Variants in RNF217 observed in about 807,000 individuals in gnomAD.
The protein encoded by RNF217 is ring finger protein 217, also known as E3 ubiquitin-protein ligase RNF217.
In RNF217, 31 loss-of-function variants were observed where a neutral mutation model predicts 57.8. That is an observed-to-expected ratio of 0.54 (90% CI 0.40 to 0.72). The LOEUF (loss-of-function observed/expected upper bound fraction) is 0.72. RNF217 is among the 30% of genes least tolerant of loss of function. The pLI is 0.00. For synonymous variants in RNF217, 313 were observed against 294.0 expected, an observed-to-expected ratio of 1.06 and a Z score of -0.66; for missense variants, 696 against 708.3, an observed-to-expected ratio of 0.98 and a Z score of 0.20.
rs184729329 is a variant in RNF217, at chr6:124,986,557, A to C, written c.882+23131A>C. On this transcript the variant is annotated intron_variant, in intron 1 of 5. Transcript: ENST00000521654. Reference sequence around the variant, plus strand: ...AATCATGCTTAATCATTTCAAATAGACTTTTTAAAAGTTGAATTAAACCAA... The same window carrying C: ...AATCATGCTTAATCATTTCAAATAGCCTTTTTAAAAGTTGAATTAAACCAA... Among the ~76,000 whole-genome samples the C allele has an allele frequency of 4.4e-4, 67 of 152,310 alleles. 1 individual carries two copies. In the East Asian group the frequency reaches 0.011, roughly 25 times the overall value.
intron 1 of RNF217, among the ~76,000 whole-genome samples, chr6:125,032,631 A>C (rs2114475407): frequency 6.6e-6 from 1 of 152,236 alleles, no homozygotes; most frequent in African/African-American, 2.4e-5. Context: ...GGAAACGACA[A>C]CCATTTTGTG....
chr6:125,016,696 A>C (rs1184010250), intron 1 of RNF217, among the ~76,000 whole-genome samples: 1 of 151,880 alleles, frequency 6.6e-6, no homozygotes, highest in African/African-American at 2.4e-5. Context: ...AGAAAACCAA[A>C]CACCACCTGT....
intron 1 of RNF217, among the ~76,000 whole-genome samples, chr6:124,986,698 A>G (rs536477320): frequency 6.6e-6 from 1 of 152,188 alleles, no homozygotes; most frequent in Non-Finnish European, 1.5e-5. Flanking sequence ...CAGACAGTAC[A>G]TATTTTAGGT....
At chr6:124,964,919 A>T (rs1309368819) in intron 1 of RNF217, among the ~76,000 whole-genome samples, 2 of 152,232 alleles carry the variant, frequency 1.3e-5, no homozygotes, top group Admixed American at 1.3e-4. Context: ...ATGTCAATAG[A>T]GTAACAATTC....
intron 2 of RNF217, chr6:125,048,195 A>G: frequency 7.4e-7 from 1 of 1,351,780 alleles, no homozygotes; most frequent in Non-Finnish European, 9.9e-7. Flanking sequence ...ACCAATCGTG[A>G]GATTCATGGC....
chr6:125,025,002 A>G (rs1786017140), intron 1 of RNF217, among the ~76,000 whole-genome samples: 1 of 152,146 alleles, frequency 6.6e-6, no homozygotes, highest in African/African-American at 2.4e-5. Flanking sequence ...AACCTCAGAG[A>G]CTCAGGAAGC....
intron 1 of RNF217, among the ~76,000 whole-genome samples, chr6:124,988,585 T>G (rs1016967702): frequency 6.6e-6 from 1 of 152,208 alleles, no homozygotes. Context: ...CCCAAAATGT[T>G]CACTAGCTTT....
rs533197777 is a variant in RNF217 at position 124,987,082 on chromosome 6, G to GT, written c.882+23662dup. Among the ~76,000 whole-genome samples the GT allele has an allele frequency of 4.7e-4, 71 of 152,182 alleles. 1 individual carries two copies. Among genetic ancestry groups the GT allele is most frequent in the Middle Eastern group, 3.4e-3 (1 of 294 alleles). On this transcript the variant is annotated intron_variant, in intron 1 of 5. Transcript: ENST00000521654. The stretch of plus-strand genomic sequence containing the variant: ...ATGTATGCACATTCATAATTTGGAC[G>GT]TTTTTTATACGATTCTTTAGATTCA...
chr6:124,973,580 T>C (rs1252343007), intron 1 of RNF217, among the ~76,000 whole-genome samples: 1 of 152,230 alleles, frequency 6.6e-6, no homozygotes, highest in Admixed American at 6.5e-5. Context: ...ATGTTTGCTA[T>C]AAAAAGTAAG....
chr6:125,020,165 G>A (rs985597811), intron 1 of RNF217, among the ~76,000 whole-genome samples: 6 of 152,160 alleles, frequency 3.9e-5, no homozygotes, highest in African/African-American at 7.2e-5. Flanking sequence ...GCAGACACCC[G>A]CTGGCTTGGG....
chr6:124,995,160 A>T (rs1262859668), intron 1 of RNF217, among the ~76,000 whole-genome samples: 1 of 152,334 alleles, frequency 6.6e-6, no homozygotes, highest in East Asian at 1.9e-4. Context: ...ATTAAAAGTT[A>T]GTGTACTTTT....
chr6:125,065,796 A>T (rs559935864), intron 3 of RNF217, among the ~76,000 whole-genome samples: 4 of 152,352 alleles, frequency 2.6e-5, no homozygotes, highest in African/African-American at 9.6e-5. Context: ...ACATAGAATT[A>T]AAAACAGGGC....
At chr6:125,041,426 T>G (rs753803130) in intron 1 of RNF217, among the ~76,000 whole-genome samples, 2 of 152,176 alleles carry the variant, frequency 1.3e-5, no homozygotes, top group African/African-American at 4.8e-5. Context: ...TGATTTGTAT[T>G]GTCTTTATAT....
chr6:124,969,483 G>C (rs1040389822), intron 1 of RNF217, among the ~76,000 whole-genome samples: 2 of 151,916 alleles, frequency 1.3e-5, no homozygotes, highest in Non-Finnish European at 2.9e-5. Context: ...AGTTTATATC[G>C]TTCTCTATCA....
intron 1 of RNF217, among the ~76,000 whole-genome samples, chr6:124,980,626 G>T (rs1211874740): frequency 6.6e-6 from 1 of 152,034 alleles, no homozygotes; most frequent in Non-Finnish European, 1.5e-5. Context: ...AATGACAAAG[G>T]CCTTGGGGTC....
chr6:125,055,362 T>G (rs988478983), intron 2 of RNF217, among the ~76,000 whole-genome samples: 3 of 152,156 alleles, frequency 2.0e-5, no homozygotes, highest in Admixed American at 6.6e-5. Context: ...CTTGGTTGTT[T>G]ATTATGAGCC....
chr6:124,983,759 A>C (rs773431379), intron 1 of RNF217, among the ~76,000 whole-genome samples: 1 of 152,302 alleles, frequency 6.6e-6, no homozygotes, highest in South Asian at 2.1e-4. Flanking sequence ...TGTAATAACT[A>C]TAAGACTCTT....
chr6:125,014,349 A>G (rs1246516598), intron 1 of RNF217, among the ~76,000 whole-genome samples: 3 of 152,214 alleles, frequency 2.0e-5, no homozygotes, highest in Non-Finnish European at 4.4e-5. Context: ...GGATTAGCTC[A>G]CCACAGCCTC....
chr6:124,962,925 G>GC lies in RNF217; in HGVS notation c.387dup (p.Gly130ArgfsTer182), dbSNP rs757325037. 1.3e-6 allele frequency: 2 copies of GC among 1,597,922 alleles called. No individual in the cohort carries two copies. The highest frequency in any genetic ancestry group is 1.3e-5 in the African/African-American group (1 of 75,018). On this transcript the variant is annotated frameshift_variant, in exon 1 of 6. Transcript: ENST00000521654. LOFTEE classifies it high-confidence loss of function. This position sits in a 1 kb window ranked among gnomAD's most constrained non-coding sequence, Gnocchi z 4.6. ...AGGGAGGGGATGAACAGCAGGAGGC[G>GC]CCCCCCGGCGAAGAGCTGGAGCCCA...
Sources: gnomAD v4.1 joint callset for allele counts (sites outside exome capture counted in the v4.1 genomes callset) on GRCh38, gnomAD v4.1.1 for gene constraint, Gnocchi (gnomAD v3.1) non-coding constraint, MANE v1.5 for transcripts, NCBI Gene and HGNC (gene_info 2026-07-23, HGNC 2026-07-21) for gene names.